SCTR: variants seen among roughly 807,000 people sequenced by gnomAD.
The protein encoded by SCTR is pancreatic secretin receptor.
In SCTR, 56 loss-of-function variants were observed where a neutral mutation model predicts 60.8. The ratio of observed to expected loss-of-function variants is 0.92; its 90% confidence interval spans 0.74 to 1.15. SCTR has a LOEUF of 1.15. Ranked by LOEUF, SCTR falls within the 50% of genes most tolerant of loss-of-function variation. The probability of loss-of-function intolerance (pLI) is 0.00; values close to 1 mark genes in which losing one functional copy is unlikely to be tolerated. For missense variants in SCTR, 562 were observed against 550.4 expected, an observed-to-expected ratio of 1.02 and a Z score of -0.21; for synonymous variants, 202 against 217.0, an observed-to-expected ratio of 0.93 and a Z score of 0.61.
chr2:119,463,628 A>G (rs973731239), intron 6 of SCTR, among the ~76,000 whole-genome samples: 1 of 152,188 alleles, frequency 6.6e-6, no homozygotes, highest in Non-Finnish European at 1.5e-5. Context: ...ACTGACACAC[A>G]GGGTGATTGC....
intron 1 of SCTR, among the ~76,000 whole-genome samples, chr2:119,510,164 A>G (rs1678886953): frequency 7.6e-6 from 1 of 131,816 alleles, no homozygotes; most frequent in South Asian, 2.3e-4. Context: ...GGCCCCGTGT[A>G]TTATGTTCCT....
rs1573849360 is a variant in SCTR at position 119,472,018 on chromosome 2, A to G, written c.405+1435T>C. ...ATTGGGCACCTCATAGGTGCCAAGCATTGTGCTGGGCACTGGGGCCTGGAA... is the reference window on the plus strand; with the variant it reads ...ATTGGGCACCTCATAGGTGCCAAGCGTTGTGCTGGGCACTGGGGCCTGGAA... On this transcript the variant is annotated intron_variant, in intron 4 of 12. Transcript: ENST00000019103. Among the ~76,000 whole-genome samples the G allele has an allele frequency of 5.9e-5, 9 of 152,298 alleles. No homozygotes were observed. In the South Asian group the frequency reaches 1.9e-3, roughly 32 times the overall value.
At chr2:119,504,490 C>T (rs1678664750) in intron 1 of SCTR, among the ~76,000 whole-genome samples, 1 of 152,068 alleles carries the variant, frequency 6.6e-6, no homozygotes, top group Non-Finnish European at 1.5e-5. Context: ...ACTAGGGAGG[C>T]TGAGGCAGGA....
chr2:119,521,250 T>C (rs1679277911), intron 1 of SCTR, among the ~76,000 whole-genome samples: 1 of 152,244 alleles, frequency 6.6e-6, no homozygotes, highest in South Asian at 2.1e-4. Flanking sequence ...GCCTGACACA[T>C]TTCTGTACAA....
At chr2:119,473,082 C>T (rs577921391) in intron 4 of SCTR, among the ~76,000 whole-genome samples, 1 of 152,324 alleles carries the variant, frequency 6.6e-6, no homozygotes, top group African/African-American at 2.4e-5. Context: ...ATTAAATCTT[C>T]CCCAGCCCCA....
At chr2:119,483,529 C>T (rs932126838) in intron 2 of SCTR, among the ~76,000 whole-genome samples, 7 of 152,200 alleles carry the variant, frequency 4.6e-5, no homozygotes, top group Non-Finnish European at 7.3e-5. Context: ...CTGGCTCCAG[C>T]GTCTGGGCAC....
chr2:119,448,640 A>G (rs371871090), intron 10 of SCTR, 49 bp downstream of exon 10: 6 of 1,018,868 alleles, frequency 5.9e-6, no homozygotes, highest in Non-Finnish European at 9.4e-6. Context: ...GTAGGTGCTC[A>G]GTAAATGCTT....
At chr2:119,447,780 C>G (rs1479137369) in intron 10 of SCTR, among the ~76,000 whole-genome samples, 4 of 152,306 alleles carry the variant, frequency 2.6e-5, no homozygotes, top group African/African-American at 9.6e-5. Context: ...CCATCTTGAC[C>G]AGGCTGGTCT....
chr2:119,514,755 G>A (rs1236739687), intron 1 of SCTR, among the ~76,000 whole-genome samples: 1 of 152,112 alleles, frequency 6.6e-6, no homozygotes, highest in African/African-American at 2.4e-5. Flanking sequence ...GCGCATGCCT[G>A]TAATCCCAGC....
rs150696329 is a variant in SCTR at position 119,517,333 on chromosome 2, A to G, written c.72+6822T>C. Among the ~76,000 whole-genome samples the G allele has an allele frequency of 5.7e-3, 870 of 151,898 alleles. 1 individual carries two copies. The highest frequency in any genetic ancestry group is 0.02 in the African/African-American group (816 of 41,450). ...CACCACCACACCCAGCTAATTTTTA[A>G]AATTTTTTGTAGAGACAAGGTCTCC... On this transcript the variant is annotated intron_variant, in intron 1 of 12. Coordinates refer to ENST00000019103, the MANE Select transcript of SCTR (RefSeq NM_002980.3).
chr2:119,481,177 C>T (rs556550448), intron 2 of SCTR, among the ~76,000 whole-genome samples: 5 of 152,346 alleles, frequency 3.3e-5, no homozygotes, highest in East Asian at 1.9e-4. Flanking sequence ...GGGGACTGGG[C>T]GATGGATGCG....
At chr2:119,474,890 G>A (rs1469601705) in intron 3 of SCTR, among the ~76,000 whole-genome samples, 1 of 152,234 alleles carries the variant, frequency 6.6e-6, no homozygotes, top group African/African-American at 2.4e-5. Flanking sequence ...GCCCTGTGGA[G>A]GCTCAGGAGG....
intron 1 of SCTR, among the ~76,000 whole-genome samples, chr2:119,496,498 C>T (rs1346429184): frequency 6.6e-6 from 1 of 152,126 alleles, no homozygotes; most frequent in Non-Finnish European, 1.5e-5. Flanking sequence ...GTACTTTTCC[C>T]TATTACGTCT....
chr2:119,488,127 C>A (rs1350588820), intron 2 of SCTR, among the ~76,000 whole-genome samples: 2 of 152,230 alleles, frequency 1.3e-5, no homozygotes, highest in Non-Finnish European at 2.9e-5. Context: ...CCTTGGGCCT[C>A]TTTGGAGCTT....
intron 11 of SCTR, among the ~76,000 whole-genome samples, chr2:119,442,353 C>G (rs72957076): frequency 0.013 from 2,010 of 152,314 alleles, 29 homozygotes; most frequent in Middle Eastern, 0.071. Context: ...GTCTCTGCGG[C>G]GCATTCACCC....
At chr2:119,512,427 C>T (rs72834833) in intron 1 of SCTR, among the ~76,000 whole-genome samples, 76 of 143,544 alleles carry the variant, frequency 5.3e-4, no homozygotes, top group African/African-American at 1.4e-3. Context: ...GATGGAGTCC[C>T]GCTCTATTTC....
intron 1 of SCTR, among the ~76,000 whole-genome samples, chr2:119,520,255 C>A (rs1023159467): frequency 6.6e-6 from 1 of 152,156 alleles, no homozygotes; most frequent in East Asian, 1.9e-4. Flanking sequence ...AATCCCAACA[C>A]TTTGGGAGTC....
At chr2:119,444,306 A>AT (rs35513670) in intron 11 of SCTR, among the ~76,000 whole-genome samples, 1 of 12,222 alleles carries the variant, frequency 8.2e-5, no homozygotes, top group Non-Finnish European at 2.3e-4. Flanking sequence ...TATACGTATG[A>AT]ATATATACAC....
At chr2:119,479,318 T>A in intron 2 of SCTR, 1 of 990,232 alleles carries the variant, frequency 1.0e-6, no homozygotes, top group Non-Finnish European at 1.2e-6. Context: ...TACGACTACC[T>A]GGGGAGCTTT....
Sources: gnomAD v4.1 joint callset for allele counts (sites outside exome capture counted in the v4.1 genomes callset) on GRCh38, gnomAD v4.1.1 for gene constraint, MANE v1.5 for transcripts, NCBI Gene and HGNC (gene_info 2026-07-23, HGNC 2026-07-21) for gene names.